PCYT1B: variants seen among roughly 807,000 people sequenced by gnomAD.
The protein encoded by PCYT1B is phosphate cytidylyltransferase 1B, choline.
Under a neutral mutation model 26.4 loss-of-function variants are expected in PCYT1B, and 10 were observed. The observed-to-expected ratio is 0.38, with a 90% confidence interval of 0.23 to 0.64. PCYT1B has a LOEUF of 0.64. Among genes scored for constraint, PCYT1B ranks in the 30% least tolerant of loss-of-function variants. The probability of loss-of-function intolerance (pLI) is 0.56; values close to 1 mark genes in which losing one functional copy is unlikely to be tolerated. For missense variants in PCYT1B, 161 were observed against 292.7 expected, an observed-to-expected ratio of 0.55 and a Z score of 3.28; for synonymous variants, 131 against 108.4, an observed-to-expected ratio of 1.21 and a Z score of -1.29.
intron 1 of PCYT1B, among the ~76,000 whole-genome samples, chrX:24,624,005 T>A (rs1925793861): frequency 1.0e-5 from 1 of 98,774 alleles, no homozygotes; most frequent in East Asian, 3.3e-4. Context: ...AGAGTCTCGC[T>A]CTGTCGCCCA....
intron 1 of PCYT1B, among the ~76,000 whole-genome samples, chrX:24,637,792 T>C (rs766856542): frequency 4.6e-5 from 5 of 109,462 alleles, no homozygotes; most frequent in African/African-American, 1.7e-4. Flanking sequence ...ATAATACATA[T>C]AGAGCATTCA....
intron 1 of PCYT1B, among the ~76,000 whole-genome samples, chrX:24,622,725 C>T (rs1463969343): frequency 1.8e-5 from 2 of 112,126 alleles, no homozygotes; most frequent in African/African-American, 6.5e-5. Flanking sequence ...CAAGGTGACA[C>T]CAAGTGACAG....
intron 1 of PCYT1B, among the ~76,000 whole-genome samples, chrX:24,636,263 A>G (rs1233912999): frequency 8.9e-6 from 1 of 112,435 alleles, no homozygotes; most frequent in Non-Finnish European, 1.9e-5. Context: ...TTTCTTCATT[A>G]TTGTGAATAA....
chrX:24,617,918 C>T (rs905679373), intron 2 of PCYT1B, among the ~76,000 whole-genome samples: 1 of 111,663 alleles, frequency 9.0e-6, no homozygotes, highest in Non-Finnish European at 1.9e-5. Context: ...CCACACAGTC[C>T]AAATCTTAGT....
intron 7 of PCYT1B, among the ~76,000 whole-genome samples, chrX:24,567,961 A>G (rs1189108998): frequency 9.0e-6 from 1 of 111,499 alleles, no homozygotes; most frequent in Non-Finnish European, 1.9e-5. Context: ...AAAAACAAAA[A>G]CAAACAAACA....
At chrX:24,577,353 C>T (rs747853854) in intron 6 of PCYT1B, among the ~76,000 whole-genome samples, 18 of 112,197 alleles carry the variant, frequency 1.6e-4, no homozygotes, top group African/African-American at 4.9e-4. Flanking sequence ...ATCTAAACGC[C>T]GTTTAAAGAG....
Position 24,561,350 on chromosome X carries a change from G to A in PCYT1B, c.*943C>T, listed in dbSNP as rs959894567. ...ATACGTGCAGGTAGCACCCCCTATT[G>A]GTATACTATGTTTGATACCTCAAAC... On this transcript the variant is annotated 3_prime_UTR_variant, in exon 8 of 8. Coordinates refer to ENST00000379144, the MANE Select transcript of PCYT1B (RefSeq NM_004845.5). The A allele has an allele frequency of 1.8e-5, 2 of 111,653 alleles. No individual in the cohort carries two copies. The highest frequency in any genetic ancestry group is 3.8e-5 in the Non-Finnish European group (2 of 53,132). The allele number at this position is 111,653 out of a possible 1,213,427, so 9.2% of individuals were successfully genotyped here. A position where few individuals can be genotyped will look rare whatever the true frequency, so the allele number is the denominator to read the frequency against.
intron 1 of PCYT1B, among the ~76,000 whole-genome samples, chrX:24,620,857 C>A (rs1925680437): frequency 8.9e-6 from 1 of 111,866 alleles, no homozygotes; most frequent in African/African-American, 3.2e-5. Context: ...TGTCCCACCC[C>A]CACTGACTCC....
At chrX:24,617,110 C>G (rs138753530) in intron 2 of PCYT1B, among the ~76,000 whole-genome samples, 3,873 of 111,819 alleles carry the variant, frequency 0.035, 161 homozygotes, top group African/African-American at 0.12. Flanking sequence ...TTAAGAAGCC[C>G]TCTAGTAGAT....
At chrX:24,620,833 C>T (rs1253150261) in intron 1 of PCYT1B, among the ~76,000 whole-genome samples, 2 of 112,091 alleles carry the variant, frequency 1.8e-5, no homozygotes, top group Non-Finnish European at 3.8e-5. Flanking sequence ...CTGCTCTCTG[C>T]ACATGATCCT....
At chrX:24,566,683 A>G (rs1006300263) in intron 7 of PCYT1B, among the ~76,000 whole-genome samples, 2 of 111,792 alleles carry the variant, frequency 1.8e-5, no homozygotes, top group African/African-American at 3.3e-5. Flanking sequence ...CAATAATGAC[A>G]TTGGTAAGGA....
chrX:24,562,056 A>G lies in PCYT1B; in HGVS notation c.*237T>C. 1 of 1,192,576 alleles carries G rather than the reference A, an allele frequency of 8.4e-7. No individual in the cohort carries two copies. Among genetic ancestry groups the G allele is most frequent in the Non-Finnish European group, 1.1e-6 (1 of 878,266 alleles). On this transcript the variant is annotated 3_prime_UTR_variant, in exon 8 of 8. Transcript: ENST00000379144. ...TCCTTAGCAAGGTTAGAGTGACTCT[A>G]GACGCTAAGGTTTGTGTAGGTTGTC...
chrX:24,609,694 A>T lies in PCYT1B; in HGVS notation c.218-1833T>A, dbSNP rs1001215664. 9.8e-5 allele frequency among the ~76,000 whole-genome samples: 11 copies of T among 112,385 alleles called. 1 individual carries two copies. Among genetic ancestry groups the T allele is most frequent in the Admixed American group, 9.5e-4 (10 of 10,569 alleles). On this transcript the variant is annotated intron_variant, in intron 2 of 7. Coordinates refer to ENST00000379144, the MANE Select transcript of PCYT1B (RefSeq NM_004845.5). ...GAGAGATGTCAACAACATTATGGAA[A>T]GTTGACTGTCAAGTGTTGAGTGCCT...
chrX:24,584,287 C>T (rs763635551), intron 5 of PCYT1B, among the ~76,000 whole-genome samples: 30 of 112,002 alleles, frequency 2.7e-4, no homozygotes, highest in African/African-American at 9.4e-4. Flanking sequence ...TATGATCATA[C>T]CACTGTACTC....
intron 2 of PCYT1B, among the ~76,000 whole-genome samples, chrX:24,615,711 G>T (rs960749351): frequency 2.7e-5 from 3 of 111,553 alleles, no homozygotes; most frequent in African/African-American, 9.8e-5. Context: ...TGACCCGCCT[G>T]CCTCCAAACT....
intron 2 of PCYT1B, among the ~76,000 whole-genome samples, chrX:24,616,991 C>T (rs986968342): frequency 9.0e-6 from 1 of 111,702 alleles, no homozygotes; most frequent in African/African-American, 3.3e-5. Context: ...CAGTGTGATC[C>T]CTGGAGCAGT....
At chrX:24,579,121 C>CAA (rs1186187982) in intron 6 of PCYT1B, among the ~76,000 whole-genome samples, 195 bp downstream of exon 6, 1 of 39,880 alleles carries the variant, frequency 2.5e-5, no homozygotes. Context: ...GACCCTGTCT[C>CAA]AAAAAAAAAA....
chrX:24,615,039 T>G (rs1382471166), intron 2 of PCYT1B, among the ~76,000 whole-genome samples: 1 of 111,868 alleles, frequency 8.9e-6, no homozygotes, highest in East Asian at 2.8e-4. Context: ...AGGCTGGTCT[T>G]GAACTCCTGA....
At chrX:24,652,802 G>A (rs939223338) in intron 1 of PCYT1B, among the ~76,000 whole-genome samples, 1 of 110,958 alleles carries the variant, frequency 9.0e-6, no homozygotes, top group African/African-American at 3.3e-5. Flanking sequence ...CATTATTTTC[G>A]GCCAGGCACG....
Sources: gnomAD v4.1 joint callset for allele counts (sites outside exome capture counted in the v4.1 genomes callset) on GRCh38, gnomAD v4.1.1 for gene constraint, MANE v1.5 for transcripts, NCBI Gene and HGNC (gene_info 2026-07-23, HGNC 2026-07-21) for gene names.